Variants in PRDM2 observed in about 807,000 individuals in gnomAD.
PRDM2 encodes PR domain zinc finger protein 2.
PRDM2 carries 30 observed loss-of-function variants against 130.0 expected under a neutral mutation model. That is an observed-to-expected ratio of 0.23 (90% CI 0.17 to 0.31). PRDM2 has a LOEUF of 0.31. Among genes scored for constraint, PRDM2 ranks in the 10% least tolerant of loss-of-function variants. The pLI, the probability that PRDM2 is intolerant of heterozygous loss-of-function variation, is 1.00. For missense variants in PRDM2, 2,011 were observed against 2,108.4 expected, an observed-to-expected ratio of 0.95 and a Z score of 0.90; for synonymous variants, 871 against 782.4, an observed-to-expected ratio of 1.11 and a Z score of -1.89.
chr1:13,769,407 A>T (rs1218697746), intron 6 of PRDM2, among the ~76,000 whole-genome samples: 3 of 152,170 alleles, frequency 2.0e-5, no homozygotes, highest in South Asian at 2.1e-4. Context: ...GTTGTGAGGG[A>T]CACCAAGCCT....
chr1:13,712,770 C>CA (rs1007798801), intron 1 of PRDM2, among the ~76,000 whole-genome samples: 44 of 151,786 alleles, frequency 2.9e-4, no homozygotes, highest in Middle Eastern at 6.8e-3. Context: ...AAAAAACAAA[C>CA]AAAAAAAAGA....
In PRDM2 at chr1:13,803,216, C is replaced by A. The variant is rs1019727608; in HGVS notation, c.5037-13211C>A. 6.6e-6 allele frequency among the ~76,000 whole-genome samples: 1 copy of A among 152,196 alleles called. No individual in the cohort carries two copies. ...GCAATGAGAGAAACCGTATAGGAAGCCACGCTGGGAGGATTTGGTTCTTGA... is the reference window on the plus strand; with the variant it reads ...GCAATGAGAGAAACCGTATAGGAAGACACGCTGGGAGGATTTGGTTCTTGA... On this transcript the variant is annotated intron_variant, in intron 8 of 9. Coordinates refer to ENST00000311066, the MANE Select transcript of PRDM2 (RefSeq NM_001393986.1). The surrounding 1 kb of genome is among the most constrained non-coding windows in gnomAD (Gnocchi z 6.2).
chr1:13,779,835 C>T lies in PRDM2; in HGVS notation c.2040C>T (p.His680=), dbSNP rs61747664. Residue 680 remains histidine (H), a synonymous_variant, in exon 8 of 10, where the codon CAC becomes CAT. Transcript: ENST00000311066. The surrounding 1 kb of genome is among the most constrained non-coding windows in gnomAD (Gnocchi z 4.9). ...SISTTEAVSF[H]KEKSVYLSSK... is the part of the protein sequence containing the mutation. ...CAACAACAGAGGCAGTGTCTTTCCACAAAGAGAAAAGTGTTTATTTGTCAT... is the reference window on the plus strand; with the variant it reads ...CAACAACAGAGGCAGTGTCTTTCCATAAAGAGAAAAGTGTTTATTTGTCAT... 36,624 of 1,614,170 alleles carry T rather than the reference C, an allele frequency of 0.023. 985 individuals carry two copies. The highest frequency in any genetic ancestry group is 0.12 in the South Asian group (11,053 of 91,080).
In PRDM2 at chr1:13,781,578, G is replaced by C; in HGVS notation, c.3783G>C (p.Glu1261Asp). 1 of 1,612,176 alleles carries C rather than the reference G, an allele frequency of 6.2e-7. No individual in the cohort carries two copies. The highest frequency in any genetic ancestry group is 8.5e-7 in the Non-Finnish European group (1 of 1,179,558). ...TAGAAACTTCTAAAGAAGAAGAGGA[G>C]TTAAATGATTCCTCTGAAGAGCTTT... Reference protein sequence around the residue: ...DPLETSKEEEELNDSSEELYT... With the variant: ...DPLETSKEEEDLNDSSEELYT... The change falls in exon 8 of 10, where the codon GAG becomes GAC. Residue 1261 changes from glutamate to aspartate, a missense_variant. Coordinates refer to ENST00000311066, the MANE Select transcript of PRDM2 (RefSeq NM_001393986.1). The surrounding 1 kb of genome is among the most constrained non-coding windows in gnomAD (Gnocchi z 6.1).
intron 8 of PRDM2, among the ~76,000 whole-genome samples, chr1:13,800,000 T>A (rs747740771): frequency 4.6e-5 from 7 of 152,206 alleles, no homozygotes; most frequent in Admixed American, 2.0e-4. Context: ...TAACAAAAAC[T>A]GGAAGTTAAC....
Position 13,791,457 on chromosome 1 carries a change from A to G in PRDM2, c.5036+8626A>G, listed in dbSNP as rs79915580. On this transcript the variant is annotated intron_variant, in intron 8 of 9. Coordinates refer to ENST00000311066, the MANE Select transcript of PRDM2 (RefSeq NM_001393986.1). ...GTAATACCCTTTGATTTTGGAGATGATTCTAAAGGCCCTGGGATCCTCAAG... is the reference window on the plus strand; with the variant it reads ...GTAATACCCTTTGATTTTGGAGATGGTTCTAAAGGCCCTGGGATCCTCAAG... 8.6e-3 allele frequency among the ~76,000 whole-genome samples: 1,314 copies of G among 152,284 alleles called. 16 individuals are homozygous for G. The highest frequency in any genetic ancestry group is 0.03 in the African/African-American group (1,256 of 41,542).
At chr1:13,787,696 A>G (rs1644769619) in intron 8 of PRDM2, 1 of 984,046 alleles carries the variant, frequency 1.0e-6, no homozygotes, top group Admixed American at 6.2e-5. Flanking sequence ...ATTATATGTG[A>G]TTTACATTTC....
intron 4 of PRDM2, chr1:13,738,658 G>A (rs1643344544): frequency 6.6e-6 from 1 of 152,120 alleles, no homozygotes; most frequent in African/African-American, 2.4e-5. Flanking sequence ...TGGGCTTATT[G>A]AAATAAAATG....
At chr1:13,790,836 C>G (rs1043472014) in intron 8 of PRDM2, among the ~76,000 whole-genome samples, 25 of 152,142 alleles carry the variant, frequency 1.6e-4, no homozygotes, top group Admixed American at 1.4e-3. Context: ...CTCCCTCCCC[C>G]CCTTCTGCCC....
chr1:13,776,823 G>A (rs569985520), intron 7 of PRDM2, among the ~76,000 whole-genome samples: 3 of 152,174 alleles, frequency 2.0e-5, no homozygotes, highest in South Asian at 2.1e-4. Flanking sequence ...AGCCTCAGTC[G>A]TGGAGTCATC....
chr1:13,728,539 G>C lies in PRDM2; in HGVS notation c.10-2461G>C, dbSNP rs12563501. ...AGGGAGGGCCCTGGGGCTGCCCAGCGTCTGGGTTGTGCTGCTGTGAACTGA... is the reference window on the plus strand; with the variant it reads ...AGGGAGGGCCCTGGGGCTGCCCAGCCTCTGGGTTGTGCTGCTGTGAACTGA... On this transcript the variant is annotated intron_variant, in intron 2 of 9. Transcript: ENST00000311066. 7.2e-5 allele frequency among the ~76,000 whole-genome samples: 11 copies of C among 152,262 alleles called. No individual in the cohort carries two copies. In the South Asian group the frequency reaches 2.1e-3, roughly 29 times the overall value.
At chr1:13,784,165 G>A (rs868512167) in intron 8 of PRDM2, among the ~76,000 whole-genome samples, 2 of 152,130 alleles carry the variant, frequency 1.3e-5, no homozygotes, top group African/African-American at 2.4e-5. Context: ...CTCTGGCCGC[G>A]GCACATACAT....
chr1:13,786,683 G>A, intron 8 of PRDM2: 2 of 1,495,224 alleles, frequency 1.3e-6, no homozygotes, highest in Non-Finnish European at 1.8e-6. Flanking sequence ...TTGCCGGCAG[G>A]CTTAGAGTCA....
chr1:13,700,861 T>C (rs554056979), intron 1 of PRDM2, among the ~76,000 whole-genome samples: 3 of 152,270 alleles, frequency 2.0e-5, no homozygotes, highest in East Asian at 1.9e-4. Flanking sequence ...CCCACGGGTG[T>C]ATGTGTGTGT....
rs1300909773 is a variant in PRDM2, at chr1:13,780,131, G to A, written c.2336G>A (p.Ser779Asn). The change falls in exon 8 of 10, where the codon AGC (serine) becomes AAC (asparagine). Residue 779 changes from serine (S) to asparagine (N), a missense_variant. Around this residue, in one of 5 missense-constraint regions of PRDM2, gnomAD observed 1,288 missense variants for 1,237.7 expected, o/e 1.04. Transcript: ENST00000311066. The part of the protein sequence containing the change: ...TSKKSKLESH[S>N]DSPAWSLSGR... ...AAAAAATCCAAATTAGAAAGTCACA[G>A]CGACTCACCAGCATGGAGTTTGTCT... is the stretch of plus-strand genomic sequence containing the variant. The A allele has an allele frequency of 1.9e-6, 3 of 1,610,866 alleles. No homozygotes were observed. Among genetic ancestry groups the A allele is most frequent in the East Asian group, 4.5e-5 (2 of 44,844 alleles).
At position 13,823,013 on chromosome 1, in the gene PRDM2, T is replaced by G. The variant is rs987346567; in HGVS notation, c.*24-146T>G. 12 of 793,026 alleles carry G rather than the reference T, an allele frequency of 1.5e-5. No individual in the cohort carries two copies. In the African/African-American group the frequency reaches 1.9e-4, roughly 13 times the overall value. The allele number at this position is 793,026 out of a possible 1,614,324, so 49.1% of individuals were successfully genotyped here. On this transcript the variant is annotated intron_variant, in intron 9 of 9. Transcript: ENST00000311066. ...CTGCAGGTGTATTCACTGTGAACAT[T>G]CATCAAGCTGTGCTTTTTGCTCTAT... is the stretch of plus-strand genomic sequence containing the variant.
intron 6 of PRDM2, among the ~76,000 whole-genome samples, chr1:13,757,728 TTTTG>T (rs1200543804): frequency 3.3e-5 from 5 of 151,958 alleles, no homozygotes; most frequent in African/African-American, 1.2e-4. Flanking sequence ...GGTGGTGACA[TTTTG>T]TTTTTTATTT....
chr1:13,731,903 T>A (rs1043681810), intron 3 of PRDM2, among the ~76,000 whole-genome samples: 2 of 152,190 alleles, frequency 1.3e-5, no homozygotes, highest in Non-Finnish European at 2.9e-5. Flanking sequence ...TTTGAACATA[T>A]TGTTCAAATG....
rs1570041933 is a variant in PRDM2 at position 13,786,919 on chromosome 1, A to G, written c.5036+4088A>G. ...GCCTGTTTTAGCAGTAGTTTGTTGT[A>G]GGTTTCAGGGATGACAGATTTGGAT... On this transcript the variant is annotated intron_variant, in intron 8 of 9. Transcript: ENST00000311066. 1.3e-5 allele frequency: 13 copies of G among 1,009,074 alleles called. No homozygotes were observed. The South Asian group carries it at 4.5e-4, about 35-fold the overall frequency. 62.5% of individuals were successfully genotyped at this position (1,009,074 alleles called of 1,614,324 possible).
Sources: allele counts gnomAD v4.1 joint callset (sites outside exome capture counted in the v4.1 genomes callset), GRCh38; gene constraint gnomAD v4.1.1; regional missense constraint gnomAD v4.1.1; non-coding constraint Gnocchi (gnomAD v3.1); transcripts MANE v1.5; gene names NCBI Gene and HGNC (gene_info 2026-07-23, HGNC 2026-07-21).